The following ACER1 variants were observed in gnomAD, a reference collection of about 807,000 sequenced individuals.
ACER1 encodes alkaline ceramidase 1, also known as CTB-180A7.3.
Under a neutral mutation model 24.9 loss-of-function variants are expected in ACER1, and 28 were observed. The ratio of observed to expected loss-of-function variants is 1.13; its 90% CI spans 0.83 to 1.54. The LOEUF (loss-of-function observed/expected upper bound fraction) is 1.54. ACER1 is among the 40% of genes most tolerant of loss of function. ACER1 has a pLI of 0.00. For missense variants in ACER1, 352 were observed against 349.3 expected (o/e 1.01, Z -0.06); for synonymous variants, 132 against 131.4 (o/e 1.00, Z -0.03).
chr19:6,314,999 C>G (rs1400649419), intron 1 of ACER1, among the ~76,000 whole-genome samples: 1 of 151,712 alleles, frequency 6.6e-6, no homozygotes, highest in Non-Finnish European at 1.5e-5. Context: ...TCACACCATT[C>G]TCCTGCCTCA....
At chr19:6,354,925 T>C in the ACER1 span, among the ~76,000 whole-genome samples, 1 of 152,182 alleles carries the variant, frequency 6.6e-6, no homozygotes, top group African/African-American at 2.4e-5. Context: ...CCTCCCTGCC[T>C]GATTCTCCTG....
chr19:6,307,212 A>T lies in ACER1; in HGVS notation c.567T>A (p.Ser189Arg). Reference sequence around the variant, plus strand: ...GCCAGAAGCTGCAAAGCAGACGGTCACTGATCCAGCTGGTCAGAGCAACAG... The same window carrying T: ...GCCAGAAGCTGCAAAGCAGACGGTCTCTGATCCAGCTGGTCAGAGCAACAG... The part of the protein sequence containing the change: ...LWAVALTSWI[S>R]DRLLCSFWQR... The change falls in exon 5 of 6, where the codon AGT becomes AGA. Residue 189 changes from serine to arginine, a missense_variant. Physicochemically the swap from Ser to Arg is moderately radical, Grantham distance 110. Coordinates refer to ENST00000301452, the MANE Select transcript of ACER1 (RefSeq NM_133492.3). 1.2e-6 allele frequency: 2 copies of T among 1,614,162 alleles called. No individual in the cohort carries two copies. Among genetic ancestry groups the T allele is most frequent in the Non-Finnish European group, 1.7e-6 (2 of 1,180,034 alleles).
At chr19:6,331,385 A>G (rs914036132) in intron 1 of ACER1, among the ~76,000 whole-genome samples, 1 of 144,020 alleles carries the variant, frequency 6.9e-6, no homozygotes, top group Non-Finnish European at 1.5e-5. Context: ...TCTTGACCTC[A>G]TGATCCACCC....
At chr19:6,322,613 C>A (rs1452917923) in intron 1 of ACER1, among the ~76,000 whole-genome samples, 1 of 152,110 alleles carries the variant, frequency 6.6e-6, no homozygotes, top group Non-Finnish European at 1.5e-5. Flanking sequence ...AACCTCAACC[C>A]CAGACTCAGC....
the ACER1 span, among the ~76,000 whole-genome samples, chr19:6,346,557 C>T: frequency 6.8e-6 from 1 of 146,972 alleles, no homozygotes; most frequent in African/African-American, 2.5e-5. Context: ...TGCTCTGTCA[C>T]CCAGGCTGGA....
chr19:6,308,014 C>T (rs1600233124), intron 4 of ACER1, among the ~76,000 whole-genome samples: 2 of 147,068 alleles, frequency 1.4e-5, no homozygotes, highest in African/African-American at 2.5e-5. Flanking sequence ...ACCCAAGAGG[C>T]GGAGGTTGCA....
intron 1 of ACER1, among the ~76,000 whole-genome samples, chr19:6,328,616 C>T (rs1470143274): frequency 2.6e-5 from 4 of 151,604 alleles, no homozygotes; most frequent in Admixed American, 6.6e-5. Context: ...GAAGTGAAGG[C>T]ACAAGGATTA....
Position 6,312,458 on chromosome 19 carries a change from C to A in ACER1, c.135G>T (p.Met45Ile). ...IPFFIFGPLMMLLMHPYAQKR... is the reference protein window; with the variant it reads ...IPFFIFGPLMILLMHPYAQKR... ...TCTGGGCATACGGGTGCATCAGGAG[C>A]ATCATCAGTGGCCCGAAGATGAAGA... is the stretch of plus-strand genomic sequence containing the variant. The change falls in exon 2 of 6, where the codon ATG (methionine) becomes ATT (isoleucine). Residue 45 changes from methionine (M) to isoleucine (I), a missense_variant. By Grantham distance (10) the Met-to-Ile change is conservative. Transcript: ENST00000301452. 9 of 1,613,926 alleles carry A rather than the reference C, an allele frequency of 5.6e-6. No individual in the cohort carries two copies. Among genetic ancestry groups the A allele is most frequent in the Non-Finnish European group, 7.6e-6 (9 of 1,180,002 alleles).
At chr19:6,335,604 G>A (rs1034402911), upstream of ACER1, among the ~76,000 whole-genome samples, 3 of 152,022 alleles carry the variant, frequency 2.0e-5, no homozygotes, top group Admixed American at 1.3e-4. Flanking sequence ...ACCAAGGCGG[G>A]AGGATCACAA....
At chr19:6,324,844 G>A (rs201801390) in intron 1 of ACER1, among the ~76,000 whole-genome samples, 12 of 123,904 alleles carry the variant, frequency 9.7e-5, no homozygotes, top group South Asian at 5.4e-4. Context: ...AAGGAAGGAA[G>A]GAAAGAGAGA....
At chr19:6,347,112 ATATAT>A in the ACER1 span, among the ~76,000 whole-genome samples, 1 of 131,248 alleles carries the variant, frequency 7.6e-6, no homozygotes. Flanking sequence ...AAAAAAAAAT[ATATAT>A]ATATATATAT....
intron 1 of ACER1, among the ~76,000 whole-genome samples, chr19:6,313,337 T>C (rs1157166596): frequency 1.3e-5 from 2 of 152,204 alleles, no homozygotes; most frequent in Middle Eastern, 6.8e-3. Flanking sequence ...CCCAGGCTGG[T>C]TGCAAGCTCC....
At chr19:6,345,394 T>C in the ACER1 span, among the ~76,000 whole-genome samples, 88 of 152,242 alleles carry the variant, frequency 5.8e-4, no homozygotes, top group Non-Finnish European at 1.1e-3. Context: ...TTCAAGCACA[T>C]TACATTTATT....
At chr19:6,318,553 G>A (rs1211228803) in intron 1 of ACER1, among the ~76,000 whole-genome samples, 9 of 146,726 alleles carry the variant, frequency 6.1e-5, no homozygotes, top group South Asian at 2.2e-4. Context: ...TCAGGCAGGC[G>A]GATCATGAGG....
At chr19:6,349,169 A>T in the ACER1 span, among the ~76,000 whole-genome samples, 11 of 150,840 alleles carry the variant, frequency 7.3e-5, no homozygotes, top group Admixed American at 7.3e-4. Context: ...AGGAAGAAGA[A>T]GAAGAAGGAG....
At chr19:6,319,489 C>T (rs1414456682) in intron 1 of ACER1, among the ~76,000 whole-genome samples, 3 of 151,834 alleles carry the variant, frequency 2.0e-5, no homozygotes, top group Admixed American at 1.3e-4. Flanking sequence ...GACATCACCT[C>T]CCTCCCTTCC....
chr19:6,308,294 G>C (rs1263588488), intron 4 of ACER1, among the ~76,000 whole-genome samples: 1 of 151,788 alleles, frequency 6.6e-6, no homozygotes, highest in African/African-American at 2.4e-5. Flanking sequence ...AATTAGCCGG[G>C]CGTGGTGGCG....
At position 6,333,480 on chromosome 19, in the gene ACER1, C is replaced by T. The variant is rs1159852873; in HGVS notation, c.72G>A (p.Leu24=). The part of the protein sequence containing the change: ...WCESNFQYSE[L]VAEFYNTFSN... The stretch of plus-strand genomic sequence containing the variant: ...TCACCGTGTTGTAGAACTCGGCCAC[C>T]AGCTCCGAGTACTGGAAGTTGCTCT... Residue 24 remains leucine (L), a synonymous_variant, in exon 1 of 6, where the codon CTG becomes CTA. Transcript: ENST00000301452. 6.3e-7 allele frequency: 1 copy of T among 1,592,318 alleles called. No homozygotes were observed. The highest frequency in any genetic ancestry group is 8.6e-7 in the Non-Finnish European group (1 of 1,168,716).
At chr19:6,331,591 C>T (rs2091687491) in intron 1 of ACER1, among the ~76,000 whole-genome samples, 1 of 151,604 alleles carries the variant, frequency 6.6e-6, no homozygotes, top group Non-Finnish European at 1.5e-5. Flanking sequence ...GTCGGGAGTT[C>T]AAGACCAGCC....
Sources: gnomAD v4.1 joint callset for allele counts (sites outside exome capture counted in the v4.1 genomes callset) on GRCh38, gnomAD v4.1.1 for gene constraint, MANE v1.5 for transcripts, NCBI Gene and HGNC (gene_info 2026-07-23, HGNC 2026-07-21) for gene names.